The following AGBL4 variants were observed in gnomAD, a reference collection of about 807,000 sequenced individuals.
AGBL4 encodes the protein cytosolic carboxypeptidase 6.
In AGBL4, 58 loss-of-function variants were observed where a neutral mutation model predicts 66.4. The observed-to-expected ratio is 0.87, with a 90% CI of 0.71 to 1.09. AGBL4 has a LOEUF of 1.09. AGBL4 is among the 50% of genes least tolerant of loss of function. The pLI, the probability that AGBL4 is intolerant of heterozygous loss-of-function variation, is 0.00. For synonymous variants in AGBL4, 234 were observed against 222.9 expected, an observed-to-expected ratio of 1.05 and a Z score of -0.44; for missense variants, 579 against 631.0, an observed-to-expected ratio of 0.92 and a Z score of 0.88.
chr1:48,912,500 G>C (rs983028947), intron 5 of AGBL4, among the ~76,000 whole-genome samples: 1 of 152,150 alleles, frequency 6.6e-6, no homozygotes, highest in Non-Finnish European at 1.5e-5. Flanking sequence ...CCAGACCACT[G>C]CCACTGGGCT....
chr1:49,883,252 G>A (rs1240270316), intron 1 of AGBL4, among the ~76,000 whole-genome samples: 3 of 151,936 alleles, frequency 2.0e-5, no homozygotes, highest in South Asian at 2.1e-4. Context: ...ACAAATATTG[G>A]AACTCTTTAT....
intron 1 of AGBL4, among the ~76,000 whole-genome samples, chr1:49,969,635 T>G (rs1003239239): frequency 2.0e-5 from 3 of 152,202 alleles, no homozygotes; most frequent in South Asian, 4.1e-4. Flanking sequence ...TGGCTTATTT[T>G]ACTTAGCATA....
intron 3 of AGBL4, among the ~76,000 whole-genome samples, chr1:49,368,975 C>T (rs1183704690): frequency 2.6e-5 from 4 of 151,730 alleles, no homozygotes; most frequent in South Asian, 2.1e-4. Flanking sequence ...CTCAGGAGGC[C>T]GAGGCAGGAG....
intron 1 of AGBL4, among the ~76,000 whole-genome samples, chr1:49,889,757 A>G (rs1052245680): frequency 1.4e-5 from 2 of 147,196 alleles, no homozygotes; most frequent in African/African-American, 2.5e-5. Flanking sequence ...GCTCCATCTC[A>G]AAAAAAAAAA....
intron 4 of AGBL4, among the ~76,000 whole-genome samples, chr1:49,174,349 A>G (rs2148171117): frequency 6.6e-6 from 1 of 152,260 alleles, no homozygotes; most frequent in Non-Finnish European, 1.5e-5. Flanking sequence ...ATTCTAAAAG[A>G]GAAGGATGGC....
At chr1:48,851,927 A>AG (rs1558040273) in intron 6 of AGBL4, among the ~76,000 whole-genome samples, 2 of 151,974 alleles carry the variant, frequency 1.3e-5, no homozygotes, top group Non-Finnish European at 2.9e-5. Flanking sequence ...AAAACAAAAA[A>AG]AGAGATATCT....
chr1:49,742,570 C>T (rs905645815), intron 2 of AGBL4, among the ~76,000 whole-genome samples: 6 of 151,700 alleles, frequency 4.0e-5, no homozygotes, highest in East Asian at 1.9e-4. Flanking sequence ...TCATATGGAA[C>T]CAAAAAAGAG....
intron 4 of AGBL4, among the ~76,000 whole-genome samples, chr1:49,164,370 T>C (rs1217604365): frequency 6.6e-6 from 1 of 152,146 alleles, no homozygotes; most frequent in Non-Finnish European, 1.5e-5. Flanking sequence ...TTAAAACCTC[T>C]ATCCCCCAGT....
intron 3 of AGBL4, among the ~76,000 whole-genome samples, chr1:49,300,638 C>T (rs1644728137): frequency 6.6e-6 from 1 of 152,148 alleles, no homozygotes; most frequent in African/African-American, 2.4e-5. Context: ...TTCTGAACCC[C>T]CTTGAATGGC....
chr1:49,670,968 C>T (rs1646463797), intron 3 of AGBL4, among the ~76,000 whole-genome samples: 1 of 152,106 alleles, frequency 6.6e-6, no homozygotes, highest in Admixed American at 6.6e-5. Flanking sequence ...GCATTCTTCA[C>T]AGAACTAGAA....
intron 2 of AGBL4, among the ~76,000 whole-genome samples, chr1:49,828,128 A>C (rs1405640515): frequency 6.6e-6 from 1 of 152,114 alleles, no homozygotes; most frequent in Non-Finnish European, 1.5e-5. Context: ...AATGCAGTAA[A>C]AAAAAAAACA....
chr1:49,254,649 AAC>A (rs1318539787), intron 3 of AGBL4, among the ~76,000 whole-genome samples: 3 of 152,152 alleles, frequency 2.0e-5, no homozygotes, highest in Non-Finnish European at 4.4e-5. Context: ...TTCTTCACAG[AAC>A]TAGAGAAAAA....
At chr1:49,023,200 G>A (rs767064509) in intron 5 of AGBL4, among the ~76,000 whole-genome samples, 10 of 152,148 alleles carry the variant, frequency 6.6e-5, no homozygotes, top group Non-Finnish European at 1.5e-4. Flanking sequence ...AAGGTATGCT[G>A]AGAGTATGTT....
At chr1:49,282,357 C>T (rs570534118) in intron 3 of AGBL4, among the ~76,000 whole-genome samples, 70 of 152,134 alleles carry the variant, frequency 4.6e-4, no homozygotes, top group African/African-American at 1.2e-3. Flanking sequence ...CAATGAGGCT[C>T]TTTGTCTCAA....
intron 4 of AGBL4, among the ~76,000 whole-genome samples, chr1:49,049,308 C>T (rs1644154473): frequency 6.6e-6 from 1 of 152,072 alleles, no homozygotes; most frequent in African/African-American, 2.4e-5. Context: ...CTTAAATGAA[C>T]AAATCAATGT....
At chr1:48,730,194 A>C (rs1225936126) in intron 6 of AGBL4, among the ~76,000 whole-genome samples, 1 of 152,036 alleles carries the variant, frequency 6.6e-6, no homozygotes, top group African/African-American at 2.4e-5. Flanking sequence ...GTTTCCCCCC[A>C]ACAGACTGGG....
At chr1:49,802,325 T>G (rs953867517) in intron 2 of AGBL4, among the ~76,000 whole-genome samples, 7 of 152,278 alleles carry the variant, frequency 4.6e-5, no homozygotes, top group African/African-American at 1.4e-4. Context: ...GCCACAGCTC[T>G]TCTAGGCCTC....
At chr1:49,321,152 A>C (rs1645126303) in intron 3 of AGBL4, among the ~76,000 whole-genome samples, 1 of 152,116 alleles carries the variant, frequency 6.6e-6, no homozygotes, top group South Asian at 2.1e-4. Context: ...TCCACTTTGA[A>C]TCTGTTAGGA....
At chr1:49,587,813 G>A (rs1374516097) in intron 3 of AGBL4, among the ~76,000 whole-genome samples, 1 of 151,968 alleles carries the variant, frequency 6.6e-6, no homozygotes, top group Non-Finnish European at 1.5e-5. Context: ...CTGGCCTCCA[G>A]ACTCATGATG....
Sources: gnomAD v4.1 joint callset for allele counts (sites outside exome capture counted in the v4.1 genomes callset) on GRCh38, gnomAD v4.1.1 for gene constraint, MANE v1.5 for transcripts, NCBI Gene and HGNC (gene_info 2026-07-23, HGNC 2026-07-21) for gene names.